Variants in BRD8 observed in about 807,000 individuals in gnomAD.
The protein encoded by BRD8 is bromodomain-containing protein 8.
BRD8 carries 67 observed loss-of-function variants against 143.1 expected under a neutral mutation model. That is an observed-to-expected ratio of 0.47 (90% CI 0.38 to 0.57). The LOEUF (loss-of-function observed/expected upper bound fraction) is 0.57. Among genes scored for constraint, BRD8 ranks in the 20% least tolerant of loss-of-function variants. The probability of loss-of-function intolerance (pLI) is 0.00; values close to 1 mark genes in which losing one functional copy is unlikely to be tolerated. For missense variants in BRD8, 1,103 were observed against 1,503.0 expected (o/e 0.73, Z 4.40); for synonymous variants, 505 against 517.1 (o/e 0.98, Z 0.32).
intron 20 of BRD8, among the ~76,000 whole-genome samples, chr5:138,154,620 TG>T (rs1752501084): frequency 6.6e-6 from 1 of 152,218 alleles, no homozygotes; most frequent in Admixed American, 6.5e-5. Flanking sequence ...TCACAAAGAC[TG>T]TATCTTCTCT....
rs1185537739 is a variant in BRD8 at position 138,149,664 on chromosome 5, A to G, written c.3254T>C (p.Phe1085Ser). Residue 1085 changes from phenylalanine to serine, a missense_variant, in exon 23 of 27, where the codon TTC becomes TCC. Physicochemically the swap from Phe to Ser is radical, Grantham distance 155 (BLOSUM62 -2). Around this residue, in one of 7 missense-constraint regions of BRD8, gnomAD observed 369 missense variants for 445.5 expected, o/e 0.83. Transcript: ENST00000254900. ...IKETPLVDTL[F>S]SHATSSKLTD... is the part of the protein sequence containing the mutation. Reference sequence around the variant, plus strand: ...CAGCTTTGAGGAGGTAGCATGGCTGAAAAGTGTATCCACCAAGGGAGTCTC... The same window carrying G: ...CAGCTTTGAGGAGGTAGCATGGCTGGAAAGTGTATCCACCAAGGGAGTCTC... The G allele has an allele frequency of 6.2e-7, 1 of 1,609,628 alleles. No individual in the cohort carries two copies. The highest frequency in any genetic ancestry group is 1.7e-5 in the Admixed American group (1 of 58,984).
At position 138,152,550 on chromosome 5, in the gene BRD8, C is replaced by T. The variant is rs1752416494; in HGVS notation, c.2788G>A (p.Gly930Ser). The change falls in exon 21 of 27, where the codon GGC (glycine) becomes AGC (serine). Residue 930 changes from glycine to serine, a missense_variant. Physicochemically the swap from Gly to Ser is moderately conservative, Grantham distance 56. Transcript: ENST00000254900. ...GCCGCTTCCTGAGATTCCTCACTGCCTCCATCCCCAACAAGCAGTTCACTA... is the reference window on the plus strand; with the variant it reads ...GCCGCTTCCTGAGATTCCTCACTGCTTCCATCCCCAACAAGCAGTTCACTA... ...EPSELLVGDG[G>S]SEESQEAARK... The T allele has an allele frequency of 1.2e-6, 2 of 1,614,188 alleles. No homozygotes were observed. The highest frequency in any genetic ancestry group is 1.7e-6 in the Non-Finnish European group (2 of 1,180,034).
chr5:138,144,911 A>AT (rs1752080356), intron 25 of BRD8, among the ~76,000 whole-genome samples: 5 of 145,552 alleles, frequency 3.4e-5, no homozygotes, highest in Non-Finnish European at 4.5e-5. Context: ...AAAAAAAAAA[A>AT]AAAAAAAATA....
At chr5:138,145,947 G>A in intron 23 of BRD8, 69 bp from the exon 24 acceptor site, 1 of 1,333,926 alleles carries the variant, frequency 7.5e-7, no homozygotes, top group Non-Finnish European at 1.1e-6. Flanking sequence ...CCCCAGGTGG[G>A]TAATGAGGTT....
Position 138,166,691 on chromosome 5 carries a change from G to A in BRD8, c.824C>T (p.Pro275Leu). 1 of 1,613,756 alleles carries A rather than the reference G, an allele frequency of 6.2e-7. No individual in the cohort carries two copies. The highest frequency in any genetic ancestry group is 1.3e-5 in the African/African-American group (1 of 75,006). ...AGCAAGAGGTGTGGTGAACTGTGTA[G>A]GACCAGCTTCTAAAAGCCGGGAAAG... The part of the protein sequence containing the change: ...PTLSRLLEAG[P>L]TQFTTPLASF... Residue 275 changes from proline (P) to leucine (L), a missense_variant, in exon 10 of 27, where the codon CCT (proline) becomes CTT (leucine). By Grantham distance (98) the Pro-to-Leu change is moderately conservative. Coordinates refer to ENST00000254900, the MANE Select transcript of BRD8 (RefSeq NM_139199.2).
intron 9 of BRD8, 53 bp from the exon 10 acceptor site, chr5:138,166,780 G>A: frequency 9.1e-7 from 1 of 1,096,506 alleles, no homozygotes; most frequent in Non-Finnish European, 1.4e-6. Flanking sequence ...ACATAAATAA[G>A]AAGCAATAGC....
Position 138,145,162 on chromosome 5 carries a change from C to A in BRD8, c.3437+15G>T. 6.2e-7 allele frequency: 1 copy of A among 1,604,990 alleles called. No homozygotes were observed. The highest frequency in any genetic ancestry group is 8.5e-7 in the Non-Finnish European group (1 of 1,177,184). The stretch of plus-strand genomic sequence containing the variant: ...ATAAAAGCAACCAACCTTTCTTGAC[C>A]CCTTTTTCACTGACCTTTTCACCAC... On this transcript the variant is annotated intron_variant, in intron 25 of 26. Transcript: ENST00000254900.
At chr5:138,178,385 T>C (rs1231976412) in intron 1 of BRD8, among the ~76,000 whole-genome samples, 2 of 152,156 alleles carry the variant, frequency 1.3e-5, no homozygotes, top group Non-Finnish European at 2.9e-5. Flanking sequence ...AAGCTGCTTC[T>C]CTCACACCTC....
chr5:138,170,648 C>T, intron 6 of BRD8, 184 bp downstream of exon 6: 1 of 752,592 alleles, frequency 1.3e-6, no homozygotes, highest in Non-Finnish European at 2.4e-6. Flanking sequence ...ACTGAAATGT[C>T]CCATTATATT....
At chr5:138,145,944 T>G in intron 23 of BRD8, 66 bp from the exon 24 acceptor site, 2 of 1,382,428 alleles carry the variant, frequency 1.4e-6, no homozygotes, top group Non-Finnish European at 1.0e-6. Flanking sequence ...CTCCCCCAGG[T>G]GGGTAATGAG....
Position 138,165,009 on chromosome 5 carries a change from GTCATT to G in BRD8, c.1431_1435del (p.Glu477AspfsTer10). 6.2e-7 allele frequency: 1 copy of G among 1,614,102 alleles called. No individual in the cohort carries two copies. Among genetic ancestry groups the G allele is most frequent in the East Asian group, 2.2e-5 (1 of 44,876 alleles). On this transcript the variant is annotated frameshift_variant, in exon 12 of 27. Transcript: ENST00000254900. LOFTEE classifies it high-confidence loss of function. ...AAAGTCCAGTCTCTCTTGCTTGACC[GTCATT>G]TCTGGTGCAGGGAGAGGTACTGGCT...
chr5:138,144,910 A>AT (rs1357478409), intron 25 of BRD8, among the ~76,000 whole-genome samples: 2 of 143,292 alleles, frequency 1.4e-5, no homozygotes, highest in African/African-American at 5.3e-5. Context: ...AAAAAAAAAA[A>AT]AAAAAAAAAT....
At position 138,162,459 on chromosome 5, in the gene BRD8, G is replaced by A. The variant is rs528453794; in HGVS notation, c.2088-313C>T. The stretch of plus-strand genomic sequence containing the variant: ...GATCCTCCTGCCTTAGCCTCCCAAA[G>A]TGCTGGGATTACAGGTGTGAGCCAC... On this transcript the variant is annotated intron_variant, in intron 15 of 26. Coordinates refer to ENST00000254900, the MANE Select transcript of BRD8 (RefSeq NM_139199.2). Among the ~76,000 whole-genome samples, 8 of 152,084 alleles carry A rather than the reference G, an allele frequency of 5.3e-5. No homozygotes were observed. In the South Asian group the frequency reaches 1.7e-3, roughly 32 times the overall value.
intron 14 of BRD8, 123 bp downstream of exon 14, chr5:138,163,964 T>C: frequency 8.4e-7 from 1 of 1,192,946 alleles, no homozygotes; most frequent in Non-Finnish European, 1.2e-6. Context: ...CTTTTCCCCA[T>C]GCAACTCCAT....
chr5:138,171,955 T>G (rs1753896715), intron 3 of BRD8, 110 bp downstream of exon 3: 1 of 828,586 alleles, frequency 1.2e-6, no homozygotes, highest in Non-Finnish European at 2.1e-6. Flanking sequence ...TTCTCAACTA[T>G]TTTCCCACAT....
At position 138,166,892 on chromosome 5, in the gene BRD8, T is replaced by TA. The variant is rs549299037; in HGVS notation, c.788-166dup. 3.7e-4 allele frequency: 214 copies of TA among 577,500 alleles called. 1 individual carries two copies. The East Asian group carries it at 5.4e-3, about 15-fold the overall frequency. 35.8% of individuals were successfully genotyped at this position (577,500 alleles called of 1,614,324 possible). A position where few individuals can be genotyped will look rare whatever the true frequency, so the allele number is the denominator to read the frequency against. ...TCTATATCCTTACTCTAACCTTACT[T>TA]AAGATCTTCCTCCAAGTTAGGAATG... On this transcript the variant is annotated intron_variant, in intron 9 of 26. Transcript: ENST00000254900.
At chr5:138,168,785 G>A (rs1753641753) in intron 8 of BRD8, 1 of 697,108 alleles carries the variant, frequency 1.4e-6, no homozygotes, top group African/African-American at 1.8e-5. Context: ...TATTTTATTA[G>A]TCCTGAGTGG....
At chr5:138,160,542 T>A (rs1196630334) in intron 18 of BRD8, among the ~76,000 whole-genome samples, 2 of 152,090 alleles carry the variant, frequency 1.3e-5, no homozygotes, top group Non-Finnish European at 2.9e-5. Context: ...AACACAATCA[T>A]AGGATAAAAG....
At chr5:138,156,438 G>T (rs945705961) in intron 20 of BRD8, among the ~76,000 whole-genome samples, 1 of 151,926 alleles carries the variant, frequency 6.6e-6, no homozygotes, top group East Asian at 1.9e-4. Flanking sequence ...ACGCCCGGCC[G>T]CCAAGAACTC....
Sources: gnomAD v4.1 joint callset for allele counts (sites outside exome capture counted in the v4.1 genomes callset) on GRCh38, gnomAD v4.1.1 for gene constraint, gnomAD v4.1.1 regional missense constraint, MANE v1.5 for transcripts, NCBI Gene and HGNC (gene_info 2026-07-23, HGNC 2026-07-21) for gene names.